MGAM: variants seen among roughly 807,000 people sequenced by gnomAD.
MGAM encodes the protein alpha-1,4-glucosidase.
In MGAM, 253 loss-of-function variants were observed where a neutral mutation model predicts 358.8. That is an observed-to-expected ratio of 0.71 (90% CI 0.64 to 0.78). MGAM has a LOEUF of 0.78. Among genes scored for constraint, MGAM ranks in the 30% least tolerant of loss-of-function variants. MGAM has a pLI of 0.00. For missense variants in MGAM, 3,080 were observed against 3,432.6 expected, an observed-to-expected ratio of 0.90 and a Z score of 2.57; for synonymous variants, 1,105 against 1,227.1, an observed-to-expected ratio of 0.90 and a Z score of 2.08.
In MGAM at chr7:142,041,982, A is replaced by C. The variant is rs375728134; in HGVS notation, c.2498+1136A>C. On this transcript the variant is annotated intron_variant, in intron 21 of 70. Coordinates refer to ENST00000475668, the MANE Select transcript of MGAM (RefSeq NM_001365693.1). ...TAATATATATATATTATATATATAT[A>C]ATATAATATATATATATTATATATA... Among the ~76,000 whole-genome samples, 30 of 13,146 alleles carry C rather than the reference A, an allele frequency of 2.3e-3. 1 individual carries two copies. The highest frequency in any genetic ancestry group is 6.2e-3 in the African/African-American group (25 of 4,024). The allele number at this position is 13,146 out of a possible 152,430, so 8.6% of individuals were successfully genotyped here.
intron 2 of MGAM, among the ~76,000 whole-genome samples, chr7:141,987,165 A>G (rs998875197): frequency 6.6e-6 from 1 of 152,234 alleles, no homozygotes; most frequent in African/African-American, 2.4e-5. Flanking sequence ...GGTGGTAGTC[A>G]TAGGCATAGT....
Position 142,096,404 on chromosome 7 carries a change from G to A in MGAM, c.7681G>A (p.Val2561Ile). The A allele has an allele frequency of 6.2e-7, 1 of 1,613,764 alleles. No individual in the cohort carries two copies. Among genetic ancestry groups the A allele is most frequent in the Non-Finnish European group, 8.5e-7 (1 of 1,179,720 alleles). ...LLGPAFLVSP[V>I]LERNARNVTA... ...GGGCCCAGCCTTCCTGGTCAGCCCT[G>A]TCCTGGAGCGTGTGAGTATGGAGGC... The change falls in exon 65 of 71, where the codon GTC (valine) becomes ATC (isoleucine). Residue 2561 changes from valine (V) to isoleucine (I), a missense_variant. Physicochemically the swap from Val to Ile is conservative, Grantham distance 29 (BLOSUM62 3). This residue lies in a region of MGAM where 932 missense variants were observed against 1,198.2 expected (regional missense o/e 0.78). Transcript: ENST00000475668.
At chr7:142,073,999 G>A in intron 44 of MGAM, 86 bp from the exon 45 acceptor site, 1 of 987,248 alleles carries the variant, frequency 1.0e-6, no homozygotes, top group Non-Finnish European at 1.6e-6. Context: ...ATCTTTTCCA[G>A]TTTGAAATTT....
intron 17 of MGAM, 94 bp from the exon 18 acceptor site, chr7:142,036,729 A>G: frequency 7.4e-7 from 1 of 1,358,162 alleles, no homozygotes; most frequent in Non-Finnish European, 1.0e-6. Context: ...TCAGGAGGGA[A>G]ATTCTTGGTT....
intron 15 of MGAM, 97 bp from the exon 16 acceptor site, chr7:142,034,573 T>A: frequency 8.8e-7 from 1 of 1,142,088 alleles, no homozygotes; most frequent in South Asian, 1.5e-5. Flanking sequence ...AGAGAATGGG[T>A]TATTCACTTT....
intron 46 of MGAM, 71 bp downstream of exon 46, chr7:142,076,323 A>C: frequency 7.7e-7 from 1 of 1,293,234 alleles, no homozygotes; most frequent in South Asian, 1.2e-5. Context: ...GTGCTTGTGT[A>C]TATGTGTGAT....
In MGAM at chr7:142,052,372, G is replaced by A; in HGVS notation, c.2884G>A (p.Glu962Lys). The change falls in exon 25 of 71, where the codon GAA (glutamate) becomes AAA (lysine). Residue 962 changes from glutamate (E) to lysine (K), a missense_variant. Physicochemically the swap from Glu to Lys is moderately conservative, Grantham distance 56 (BLOSUM62 1). Coordinates refer to ENST00000475668, the MANE Select transcript of MGAM (RefSeq NM_001365693.1). ...VEWSIKIRDE[E>K]KIDCYPDENG... ...ATGGAGCATAAAGATAAGGGATGAA[G>A]AAAAAATAGACTGTTACCCTGATGA... 6.2e-7 allele frequency: 1 copy of A among 1,612,482 alleles called. No homozygotes were observed. Among genetic ancestry groups the A allele is most frequent in the Non-Finnish European group, 8.5e-7 (1 of 1,179,264 alleles).
chr7:142,103,652 A>G (rs554206322), intron 70 of MGAM, among the ~76,000 whole-genome samples: 33 of 152,152 alleles, frequency 2.2e-4, no homozygotes, highest in Middle Eastern at 3.4e-3. Context: ...CTTACTTTCC[A>G]TGTTTGTCTT....
At chr7:142,027,854 G>T (rs1563127245) in intron 10 of MGAM, 119 bp downstream of exon 10, 11 of 1,128,934 alleles carry the variant, frequency 9.7e-6, no homozygotes, top group Non-Finnish European at 1.2e-5. Context: ...AATGAAAGGA[G>T]TTTTAGATAT....
intron 3 of MGAM, among the ~76,000 whole-genome samples, chr7:142,015,526 T>TATA (rs1405541061): frequency 2.0e-5 from 3 of 152,100 alleles, no homozygotes; most frequent in Admixed American, 2.0e-4. Flanking sequence ...AAGAATCTAA[T>TATA]ATAATAATAA....
intron 21 of MGAM, among the ~76,000 whole-genome samples, chr7:142,044,328 A>G (rs1360072964): frequency 1.4e-4 from 19 of 140,698 alleles, no homozygotes; most frequent in South Asian, 4.3e-4. Context: ...TACGATATAT[A>G]ATATATAATA....
chr7:142,094,907 G>T, intron 63 of MGAM, 44 bp downstream of exon 63: 1 of 1,592,766 alleles, frequency 6.3e-7, no homozygotes, highest in East Asian at 2.2e-5. Context: ...TTGAAACACA[G>T]CCTCCATTTC....
intron 63 of MGAM, among the ~76,000 whole-genome samples, chr7:142,095,315 G>A (rs79700982): frequency 6.6e-6 from 1 of 152,126 alleles, no homozygotes; most frequent in Non-Finnish European, 1.5e-5. Context: ...ATTATGTTTT[G>A]TTCTTCTTGT....
chr7:142,048,406 C>A (rs1483525826), intron 22 of MGAM, among the ~76,000 whole-genome samples: 7 of 151,782 alleles, frequency 4.6e-5, no homozygotes, highest in East Asian at 1.9e-4. Flanking sequence ...GCTCGGCCCC[C>A]CAAAGTGCTG....
chr7:142,097,135 C>T lies in MGAM; in HGVS notation c.7693-458C>T, dbSNP rs147986462. Among the ~76,000 whole-genome samples the T allele has an allele frequency of 7.8e-3, 1,179 of 151,948 alleles. 12 individuals are homozygous for T. The highest frequency in any genetic ancestry group is 0.024 in the African/African-American group (1,004 of 41,410). The stretch of plus-strand genomic sequence containing the variant: ...TTTATTTTTAGTAGAAACAGCATTC[C>T]ACCATGTTAGTCAGGATGGTCTTGA... On this transcript the variant is annotated intron_variant, in intron 65 of 70. Coordinates refer to ENST00000475668, the MANE Select transcript of MGAM (RefSeq NM_001365693.1).
chr7:141,991,981 A>G (rs1803967483), upstream of MGAM, among the ~76,000 whole-genome samples: 1 of 152,260 alleles, frequency 6.6e-6, no homozygotes, highest in African/African-American at 2.4e-5. Context: ...TGTGCAGGGT[A>G]GGTGTTCAAT....
rs1380780681 is a variant in MGAM at position 142,008,453 on chromosome 7, G to A, written c.128-53G>A. ...TTGGAGGTGTTGAGAACTATTGAAT[G>A]TCTGTGAAATTAAATTTGTCTAATG... On this transcript the variant is annotated intron_variant, in intron 2 of 70. Coordinates refer to ENST00000475668, the MANE Select transcript of MGAM (RefSeq NM_001365693.1). 9.8e-6 allele frequency: 15 copies of A among 1,529,098 alleles called. No homozygotes were observed. In the East Asian group the frequency reaches 3.4e-4, roughly 35 times the overall value. The allele number at this position is 1,529,098 out of a possible 1,614,324, so 94.7% of individuals were successfully genotyped here.
rs556637832 is a variant in MGAM, at chr7:142,085,866, C to T, written c.6541C>T (p.Arg2181Trp). 6.0e-5 allele frequency: 94 copies of T among 1,565,488 alleles called. 15 individuals carry two copies. Among genetic ancestry groups the T allele is most frequent in the South Asian group, 1.7e-4 (15 of 89,270 alleles). ...VQYSDIDYMERQLDFTLSPKF... is the reference protein window; with the variant it reads ...VQYSDIDYMEWQLDFTLSPKF... ...GTACTCAGACATCGACTACATGGAG[C>T]GGCAGCTGGACTTCACCCTCAGCCC... Residue 2181 changes from arginine (R) to tryptophan (W), a missense_variant, in exon 55 of 71, where the codon CGG (arginine) becomes TGG (tryptophan). Physicochemically the swap from Arg to Trp is moderately radical, Grantham distance 101. Around this residue, in one of 5 missense-constraint regions of MGAM, gnomAD observed 932 missense variants for 1,198.2 expected, o/e 0.78. Transcript: ENST00000475668.
chr7:142,008,389 G>A (rs1181364780), intron 2 of MGAM, 117 bp from the exon 3 acceptor site: 13 of 1,062,784 alleles, frequency 1.2e-5, no homozygotes, highest in African/African-American at 3.2e-5. Context: ...CATAAATTTT[G>A]AGGTCATCAG....
Sources: gnomAD v4.1 joint callset for allele counts (sites outside exome capture counted in the v4.1 genomes callset) on GRCh38, gnomAD v4.1.1 for gene constraint, gnomAD v4.1.1 regional missense constraint, MANE v1.5 for transcripts, NCBI Gene and HGNC (gene_info 2026-07-23, HGNC 2026-07-21) for gene names.